Variants in CDC14B observed in about 807,000 individuals in gnomAD.
CDC14B encodes cell division cycle 14B.
CDC14B carries 22 observed loss-of-function variants against 64.2 expected under a neutral mutation model. That is an observed-to-expected ratio of 0.34 (90% CI 0.24 to 0.49). The LOEUF (loss-of-function observed/expected upper bound fraction) is 0.49, where lower values mean the gene tolerates loss of function less well. CDC14B is among the 20% of genes least tolerant of loss of function. CDC14B has a pLI of 0.99. For synonymous variants in CDC14B, 191 were observed against 215.8 expected, an observed-to-expected ratio of 0.89 and a Z score of 1.01; for missense variants, 498 against 629.9, an observed-to-expected ratio of 0.79 and a Z score of 2.24.
intron 9 of CDC14B, among the ~76,000 whole-genome samples, chr9:96,527,172 G>A (rs1452487312): frequency 2.0e-5 from 3 of 152,136 alleles, no homozygotes; most frequent in South Asian, 2.1e-4. Context: ...TTGGGAGGCC[G>A]AGGCAGGTGG....
chr9:96,530,701 T>C (rs1838333332), intron 9 of CDC14B, among the ~76,000 whole-genome samples: 2 of 151,786 alleles, frequency 1.3e-5, no homozygotes, highest in African/African-American at 4.8e-5. Context: ...TCCATTACCA[T>C]GTTAAATAGA....
At chr9:96,562,473 G>T in intron 4 of CDC14B, 2 of 490,944 alleles carry the variant, frequency 4.1e-6, no homozygotes, top group Non-Finnish European at 7.4e-6. Context: ...GCAGTTTTAG[G>T]TTCACAGCAA....
chr9:96,618,076 G>A (rs935040252), intron 1 of CDC14B, among the ~76,000 whole-genome samples: 23 of 152,162 alleles, frequency 1.5e-4, no homozygotes, highest in Admixed American at 9.2e-4. Context: ...CACCAAAGCC[G>A]AGAAACCCGC....
At chr9:96,614,122 T>C (rs970776736) in intron 1 of CDC14B, among the ~76,000 whole-genome samples, 2 of 152,208 alleles carry the variant, frequency 1.3e-5, no homozygotes, top group African/African-American at 2.4e-5. Context: ...AGTTAGATCA[T>C]GGCAGACACT....
chr9:96,574,697 C>CAAAAAAAAAAAAAAAAAAAAAAA (rs57056796), intron 1 of CDC14B, among the ~76,000 whole-genome samples: 4 of 49,968 alleles, frequency 8.0e-5, no homozygotes, highest in African/African-American at 3.4e-4. Flanking sequence ...CTCGGTCTCA[C>CAAAAAAAAAAAAAAAAAAAAAAA]AAAAAAAAAA....
At chr9:96,541,795 C>A in intron 6 of CDC14B, 31 bp downstream of exon 6, 2 of 1,513,482 alleles carry the variant, frequency 1.3e-6, no homozygotes, top group African/African-American at 1.4e-5. Flanking sequence ...TTCCTCAACA[C>A]AACACTGGGT....
In CDC14B at chr9:96,502,584, T is replaced by C. The variant is rs140091678; in HGVS notation, c.*1169A>G. On this transcript the variant is annotated 3_prime_UTR_variant, in exon 14 of 14. Transcript: ENST00000375241. ...AGGTGAGTACTATATATTCTTTTATTTCGGGCCCCATTTTTTTTTTTTTTT... is the reference window on the plus strand; with the variant it reads ...AGGTGAGTACTATATATTCTTTTATCTCGGGCCCCATTTTTTTTTTTTTTT... 335 of 257,420 alleles carry C rather than the reference T, an allele frequency of 1.3e-3. 3 individuals are homozygous for C. The highest frequency in any genetic ancestry group is 0.011 in the African/African-American group (320 of 30,388). 15.9% of individuals were successfully genotyped at this position (257,420 alleles called of 1,614,324 possible).
intron 12 of CDC14B, among the ~76,000 whole-genome samples, chr9:96,521,748 C>T (rs576741224): frequency 2.6e-5 from 4 of 152,216 alleles, no homozygotes; most frequent in African/African-American, 7.2e-5. Flanking sequence ...ACTCCCTCCC[C>T]GCAAAAAAGA....
chr9:96,587,441 T>C (rs904698044), intron 1 of CDC14B, among the ~76,000 whole-genome samples: 1 of 152,152 alleles, frequency 6.6e-6, no homozygotes. Flanking sequence ...AAGGAGCAAA[T>C]AGTGTTCCTT....
intron 4 of CDC14B, among the ~76,000 whole-genome samples, chr9:96,556,325 A>C (rs1025295235): frequency 2.0e-5 from 3 of 152,156 alleles, no homozygotes; most frequent in African/African-American, 7.2e-5. Flanking sequence ...TTCCTACGCC[A>C]AGAACTTGAT....
intron 1 of CDC14B, among the ~76,000 whole-genome samples, chr9:96,610,119 A>C (rs73542956): frequency 0.023 from 3,538 of 151,512 alleles, 83 homozygotes; most frequent in African/African-American, 0.062. Context: ...ACACACACAC[A>C]CCCATTCAGA....
chr9:96,578,478 G>A (rs1252732028), intron 1 of CDC14B, among the ~76,000 whole-genome samples: 1 of 152,190 alleles, frequency 6.6e-6, no homozygotes, highest in Admixed American at 6.5e-5. Flanking sequence ...CCGTGATGTC[G>A]TGTGGATTTC....
intron 1 of CDC14B, among the ~76,000 whole-genome samples, chr9:96,584,613 A>G (rs2118444898): frequency 1.3e-5 from 2 of 152,324 alleles, no homozygotes; most frequent in South Asian, 4.1e-4. Flanking sequence ...AAGTGTCTAT[A>G]TCATTTCAAA....
At chr9:96,606,469 GC>G (rs1846937595) in intron 1 of CDC14B, among the ~76,000 whole-genome samples, 1 of 151,476 alleles carries the variant, frequency 6.6e-6, no homozygotes. Context: ...GACAGCTTGA[GC>G]CCAGGAGTTC....
At chr9:96,618,814 A>G in intron 1 of CDC14B, 3 of 334,250 alleles carry the variant, frequency 9.0e-6, no homozygotes, top group South Asian at 6.7e-5. Flanking sequence ...TCAGGGGCTG[A>G]TTCAGAGGTT....
At chr9:96,576,378 C>A (rs1844803110) in intron 1 of CDC14B, among the ~76,000 whole-genome samples, 1 of 151,880 alleles carries the variant, frequency 6.6e-6, no homozygotes, top group African/African-American at 2.4e-5. Flanking sequence ...TGCCTGTAAT[C>A]CCAGCACTTT....
chr9:96,515,544 C>T lies in CDC14B; in HGVS notation c.1344-5755G>A. On this transcript the variant is annotated intron_variant, in intron 12 of 13. Transcript: ENST00000375241. This position sits in a 1 kb window ranked among gnomAD's most constrained non-coding sequence, Gnocchi z 4.3. ...CAGAAAAAGAACCTTTGAAAATAGG[C>T]AAACCAACAAAGCTAGGAGCTGACA... 2 of 1,175,178 alleles carry T rather than the reference C, an allele frequency of 1.7e-6. No homozygotes were observed. Among genetic ancestry groups the T allele is most frequent in the Non-Finnish European group, 2.3e-6 (2 of 873,388 alleles). The allele number at this position is 1,175,178 out of a possible 1,614,324, so 72.8% of individuals were successfully genotyped here.
chr9:96,546,269 C>T (rs1259083825), intron 5 of CDC14B, among the ~76,000 whole-genome samples: 1 of 152,066 alleles, frequency 6.6e-6, no homozygotes, highest in East Asian at 1.9e-4. Flanking sequence ...AGGTAAATCT[C>T]ATAGACATTA....
intron 4 of CDC14B, among the ~76,000 whole-genome samples, chr9:96,555,584 A>G (rs1587949512): frequency 6.6e-6 from 1 of 152,234 alleles, no homozygotes; most frequent in East Asian, 1.9e-4. Flanking sequence ...TAGCACACTC[A>G]ATTTAAGGAA....
Sources: allele counts gnomAD v4.1 joint callset (sites outside exome capture counted in the v4.1 genomes callset), GRCh38; gene constraint gnomAD v4.1.1; non-coding constraint Gnocchi (gnomAD v3.1); transcripts MANE v1.5; gene names NCBI Gene and HGNC (gene_info 2026-07-23, HGNC 2026-07-21).